TOMM70: variants seen among roughly 807,000 people sequenced by gnomAD.
TOMM70 encodes the protein mitochondrial import receptor subunit TOM70.
TOMM70 carries 13 observed loss-of-function variants against 73.6 expected under a neutral mutation model. That is an observed-to-expected ratio of 0.18 (90% CI 0.11 to 0.28). TOMM70 has a LOEUF of 0.28. Ranked by LOEUF, TOMM70 falls within the 10% of genes least tolerant of loss-of-function variation. TOMM70 has a pLI of 1.00. For missense variants in TOMM70, 609 were observed against 747.5 expected (o/e 0.81, Z 2.16); for synonymous variants, 257 against 271.2 (o/e 0.95, Z 0.51).
At position 100,387,607 on chromosome 3, in the gene TOMM70, C is replaced by CAG. The variant is rs1559834080; in HGVS notation, c.325-630_325-629insCT. ...ACACAGACACAGACACAGACACACACACACACACACACACACACACACACA... is the reference window on the plus strand; with the variant it reads ...ACACAGACACAGACACAGACACACACAGACACACACACACACACACACACACA... On this transcript the variant is annotated intron_variant, in intron 1 of 11. Transcript: ENST00000284320. Among the ~76,000 whole-genome samples the CAG allele has an allele frequency of 4.2e-3, 572 of 136,722 alleles. 3 individuals carry two copies. The highest frequency in any genetic ancestry group is 7.3e-3 in the South Asian group (33 of 4,498). The allele number at this position is 136,722 out of a possible 152,430, so 89.7% of individuals were successfully genotyped here.
intron 1 of TOMM70, among the ~76,000 whole-genome samples, chr3:100,399,847 G>A (rs1165473311): frequency 1.3e-5 from 2 of 151,760 alleles, no homozygotes; most frequent in Non-Finnish European, 2.9e-5. Flanking sequence ...TGCAGCAAGA[G>A]GGGACAGTGC....
intron 6 of TOMM70, among the ~76,000 whole-genome samples, chr3:100,375,563 T>C (rs1706553008): frequency 6.6e-6 from 1 of 152,232 alleles, no homozygotes; most frequent in African/African-American, 2.4e-5. Context: ...TATTGTAGCA[T>C]GTATCAGTTT....
intron 9 of TOMM70, chr3:100,372,224 C>T (rs929654059): frequency 1.2e-5 from 2 of 161,254 alleles, no homozygotes; most frequent in African/African-American, 2.4e-5. Flanking sequence ...TAAAATAAAC[C>T]GTTACAACAA....
At chr3:100,385,613 T>A (rs1279642771) in intron 3 of TOMM70, among the ~76,000 whole-genome samples, 1 of 152,232 alleles carries the variant, frequency 6.6e-6, no homozygotes, top group Non-Finnish European at 1.5e-5. Context: ...ATTGCAGCTT[T>A]GGAAGCAGAG....
chr3:100,399,293 A>C (rs1193045947), intron 1 of TOMM70, among the ~76,000 whole-genome samples: 1 of 152,078 alleles, frequency 6.6e-6, no homozygotes, highest in Non-Finnish European at 1.5e-5. Flanking sequence ...AAAAAAAAAA[A>C]ATTCAACCTG....
At chr3:100,369,646 G>A (rs1023224969) in intron 9 of TOMM70, among the ~76,000 whole-genome samples, 3 of 151,874 alleles carry the variant, frequency 2.0e-5, no homozygotes, top group African/African-American at 7.3e-5. Context: ...GACTACAGGC[G>A]CCCAACACCT....
In TOMM70 at chr3:100,393,587, A is replaced by G. The variant is rs148096474; in HGVS notation, c.325-6609T>C. Among the ~76,000 whole-genome samples the G allele has an allele frequency of 2.0e-3, 309 of 152,328 alleles. 4 individuals are homozygous for G. The highest frequency in any genetic ancestry group is 7.1e-3 in the African/African-American group (296 of 41,576). The stretch of plus-strand genomic sequence containing the variant: ...GTGACCAAAAACCACTTGTACCACA[A>G]AAGATATTGAAATAAAAAATAATAA... On this transcript the variant is annotated intron_variant, in intron 1 of 11. Transcript: ENST00000284320.
chr3:100,372,619 G>A lies in TOMM70; in HGVS notation c.1439C>T (p.Ala480Val). The change falls in exon 9 of 12, where the codon GCA becomes GTA. Residue 480 changes from alanine to valine, a missense_variant. Ala to Val is a moderately conservative substitution (Grantham distance 64). Transcript: ENST00000284320. ...AAAAACATTTACCTGGGCGTATAGTGCATAGCCTTCGGCACACCTTGGAAA... is the reference window on the plus strand; with the variant it reads ...AAAAACATTTACCTGGGCGTATAGTACATAGCCTTCGGCACACCTTGGAAA... ...KKFPRCAEGY[A>V]LYAQALTDQQ... 6.2e-7 allele frequency: 1 copy of A among 1,613,320 alleles called. No individual in the cohort carries two copies. Among genetic ancestry groups the A allele is most frequent in the Non-Finnish European group, 8.5e-7 (1 of 1,179,480 alleles).
intron 5 of TOMM70, 50 bp from the exon 6 acceptor site, chr3:100,377,962 T>C (rs777006396): frequency 2.0e-6 from 3 of 1,524,472 alleles, no homozygotes; most frequent in Non-Finnish European, 2.7e-6. Flanking sequence ...AAAAATTAAA[T>C]GTGGCTGGGT....
At chr3:100,384,177 G>A (rs1422815177) in intron 4 of TOMM70, among the ~76,000 whole-genome samples, 2 of 152,210 alleles carry the variant, frequency 1.3e-5, no homozygotes, top group Non-Finnish European at 2.9e-5. Context: ...AAAACAACAT[G>A]TGACTGAACA....
intron 6 of TOMM70, among the ~76,000 whole-genome samples, chr3:100,376,526 G>T (rs1333739362): frequency 2.6e-5 from 4 of 151,710 alleles, no homozygotes; most frequent in African/African-American, 9.7e-5. Flanking sequence ...ATCATGCCCG[G>T]CTAATTTTCA....
In TOMM70 at chr3:100,397,058, A is replaced by G. The variant is rs1186015549; in HGVS notation, c.324+3568T>C. ...AACCCTAAACAGACAATATTTGTCT[A>G]TTTATTCATTCCTTTAAAAACTGTA... On this transcript the variant is annotated intron_variant, in intron 1 of 11. Coordinates refer to ENST00000284320, the MANE Select transcript of TOMM70 (RefSeq NM_014820.5). Among the ~76,000 whole-genome samples, 6 of 152,220 alleles carry G rather than the reference A, an allele frequency of 3.9e-5. 1 individual carries two copies. Among genetic ancestry groups the G allele is most frequent in the Non-Finnish European group, 8.8e-5 (6 of 68,032 alleles).
At chr3:100,397,741 T>C (rs1706841422) in intron 1 of TOMM70, among the ~76,000 whole-genome samples, 1 of 151,768 alleles carries the variant, frequency 6.6e-6, no homozygotes, top group South Asian at 2.1e-4. Flanking sequence ...ATACAAAAAT[T>C]AGCCAGGCGT....
At chr3:100,400,498 C>G in intron 1 of TOMM70, 128 bp downstream of exon 1, 1 of 1,091,588 alleles carries the variant, frequency 9.2e-7, no homozygotes, top group Non-Finnish European at 1.3e-6. Flanking sequence ...ATGAGTCTCC[C>G]TAAACCCAAG....
intron 1 of TOMM70, among the ~76,000 whole-genome samples, chr3:100,394,667 C>G (rs1706801959): frequency 6.6e-6 from 1 of 152,092 alleles, no homozygotes; most frequent in Non-Finnish European, 1.5e-5. Flanking sequence ...TCATGCCCGG[C>G]TAATTTTTGT....
Position 100,365,710 on chromosome 3 carries a change from T to G in TOMM70, c.1681A>C (p.Met561Leu). 1 of 1,614,094 alleles carries G rather than the reference T, an allele frequency of 6.2e-7. No individual in the cohort carries two copies. Among genetic ancestry groups the G allele is most frequent in the Non-Finnish European group, 8.5e-7 (1 of 1,179,960 alleles). The change falls in exon 12 of 12, where the codon ATG becomes CTG. Residue 561 changes from methionine to leucine, a missense_variant. Transcript: ENST00000284320. Reference sequence around the variant, plus strand: ...TTGAACATGTCAATGGCTTTCTCCATGTTTCCTCTAAAAGAACAAAATTTT... The same window carrying G: ...TTGAACATGTCAATGGCTTTCTCCAGGTTTCCTCTAAAAGAACAAAATTTT... ...MGTIEVQRGN[M>L]EKAIDMFNKA...
At chr3:100,377,990 T>C (rs1044984041) in intron 5 of TOMM70, 78 bp from the exon 6 acceptor site, 10 of 1,299,642 alleles carry the variant, frequency 7.7e-6, no homozygotes, top group East Asian at 2.4e-5. Flanking sequence ...CTCACGCCTG[T>C]AATCCCAGCA....
intron 5 of TOMM70, 123 bp downstream of exon 5, chr3:100,381,492 G>A (rs371005441): frequency 7.4e-6 from 4 of 541,800 alleles, no homozygotes; most frequent in African/African-American, 6.0e-5. Flanking sequence ...TTATATTTCT[G>A]TCTATCTCTA....
rs1706522759 is a variant in TOMM70 at position 100,372,597 on chromosome 3, A to G, written c.1452+9T>C. On this transcript the variant is annotated intron_variant, in intron 9 of 11. Transcript: ENST00000284320. ...CAGTTATTTTTAAAAAACCTGAAAAAACATTTACCTGGGCGTATAGTGCAT... is the reference window on the plus strand; with the variant it reads ...CAGTTATTTTTAAAAAACCTGAAAAGACATTTACCTGGGCGTATAGTGCAT... The G allele has an allele frequency of 1.1e-5, 18 of 1,594,290 alleles. No individual in the cohort carries two copies. Among genetic ancestry groups the G allele is most frequent in the Non-Finnish European group, 1.5e-5 (17 of 1,171,464 alleles).
Sources: allele counts gnomAD v4.1 joint callset (sites outside exome capture counted in the v4.1 genomes callset), GRCh38; gene constraint gnomAD v4.1.1; transcripts MANE v1.5; gene names NCBI Gene and HGNC (gene_info 2026-07-23, HGNC 2026-07-21).